CCNY: variants seen among roughly 807,000 people sequenced by gnomAD.
CCNY encodes cyclin Y, also known as cyclin-Y.
Under a neutral mutation model 42.8 loss-of-function variants are expected in CCNY, and 19 were observed. That is an observed-to-expected ratio of 0.44 (90% CI 0.31 to 0.65). The LOEUF (loss-of-function observed/expected upper bound fraction) is 0.65, where lower values mean the gene tolerates loss of function less well. Among genes scored for constraint, CCNY ranks in the 30% least tolerant of loss-of-function variants. The pLI, the probability that CCNY is intolerant of heterozygous loss-of-function variation, is 0.07. For missense variants in CCNY, 370 were observed against 437.3 expected (o/e 0.85, Z 1.37); for synonymous variants, 165 against 162.7 (o/e 1.01, Z -0.11).
chr10:35,381,055 T>C (rs1837172787), intron 1 of CCNY, among the ~76,000 whole-genome samples: 1 of 152,116 alleles, frequency 6.6e-6, no homozygotes, highest in South Asian at 2.1e-4. Flanking sequence ...AGGGGTGCAT[T>C]GTCTGTGGAG....
intron 3 of CCNY, among the ~76,000 whole-genome samples, chr10:35,322,748 T>A (rs1835835096): frequency 6.6e-6 from 1 of 152,198 alleles, no homozygotes; most frequent in African/African-American, 2.4e-5. Flanking sequence ...TCAACATCAT[T>A]AGCCATCAGG....
intron 3 of CCNY, among the ~76,000 whole-genome samples, chr10:35,311,773 C>A (rs757877300): frequency 1.4e-5 from 2 of 147,392 alleles, no homozygotes; most frequent in Non-Finnish European, 3.0e-5. Context: ...ATTGCTTAAG[C>A]ACAGGAGTTC....
intron 3 of CCNY, among the ~76,000 whole-genome samples, chr10:35,513,936 A>C (rs1006016085): frequency 6.6e-6 from 1 of 152,102 alleles, no homozygotes; most frequent in African/African-American, 2.4e-5. Flanking sequence ...GCTTATGAAA[A>C]CTATCGAATT....
At chr10:35,540,047 G>T (rs1445557964) in intron 7 of CCNY, among the ~76,000 whole-genome samples, 1 of 152,130 alleles carries the variant, frequency 6.6e-6, no homozygotes, top group Non-Finnish European at 1.5e-5. Context: ...TTTCATTATG[G>T]ATGCCTTTTA....
At chr10:35,342,383 G>C (rs554232980) in intron 1 of CCNY, among the ~76,000 whole-genome samples, 2 of 152,340 alleles carry the variant, frequency 1.3e-5, no homozygotes, top group South Asian at 4.1e-4. Context: ...TGCAAGGTAT[G>C]TGGAGACACC....
At chr10:35,348,467 C>T (rs1360387863) in intron 1 of CCNY, among the ~76,000 whole-genome samples, 1 of 152,226 alleles carries the variant, frequency 6.6e-6, no homozygotes, top group Non-Finnish European at 1.5e-5. Flanking sequence ...GTGTGCTCTG[C>T]AGGCACACTT....
intron 1 of CCNY, among the ~76,000 whole-genome samples, chr10:35,371,227 A>C (rs1836928901): frequency 6.6e-6 from 1 of 152,164 alleles, no homozygotes; most frequent in Non-Finnish European, 1.5e-5. Context: ...ATACCTGTGT[A>C]GTGGCTGACG....
At chr10:35,343,864 G>C (rs1178129141) in intron 1 of CCNY, among the ~76,000 whole-genome samples, 1 of 152,186 alleles carries the variant, frequency 6.6e-6, no homozygotes, top group African/African-American at 2.4e-5. Flanking sequence ...TGTCACATTG[G>C]ATTGACTTTG....
chr10:35,372,323 G>A (rs1055737419), intron 1 of CCNY, among the ~76,000 whole-genome samples: 7 of 152,218 alleles, frequency 4.6e-5, no homozygotes, highest in African/African-American at 1.2e-4. Context: ...TTAGCAGTGC[G>A]CATGGGCCAG....
chr10:35,402,218 G>A (rs1254503610), intron 1 of CCNY, among the ~76,000 whole-genome samples: 3 of 152,080 alleles, frequency 2.0e-5, no homozygotes, highest in African/African-American at 7.2e-5. Flanking sequence ...ATATTGTGGG[G>A]TTGTTAGAAG....
chr10:35,321,330 T>C (rs1835820043), intron 3 of CCNY, among the ~76,000 whole-genome samples: 1 of 152,120 alleles, frequency 6.6e-6, no homozygotes, highest in South Asian at 2.1e-4. Flanking sequence ...AATATGATGA[T>C]GACCATTTTT....
At chr10:35,292,361 T>A (rs1263836336) in intron 3 of CCNY, among the ~76,000 whole-genome samples, 1 of 152,172 alleles carries the variant, frequency 6.6e-6, no homozygotes, top group Non-Finnish European at 1.5e-5. Flanking sequence ...AATTTTTAAT[T>A]TTTTTATTTT....
chr10:35,536,647 ACT>A (rs1840892757), intron 7 of CCNY, among the ~76,000 whole-genome samples: 1 of 151,948 alleles, frequency 6.6e-6, no homozygotes. Context: ...AGCAAAGGTG[ACT>A]CTTGTTATGT....
At chr10:35,330,651 T>C (rs1835931853) in intron 3 of CCNY, among the ~76,000 whole-genome samples, 1 of 152,226 alleles carries the variant, frequency 6.6e-6, no homozygotes, top group Non-Finnish European at 1.5e-5. Flanking sequence ...GGACATTATC[T>C]TAGTTCATGG....
chr10:35,443,524 C>A (rs959117840), intron 1 of CCNY, among the ~76,000 whole-genome samples: 9 of 152,170 alleles, frequency 5.9e-5, no homozygotes, highest in South Asian at 2.1e-4. Flanking sequence ...TCACTGTCTT[C>A]CACCAGCACC....
chr10:35,258,417 A>AG (rs1048460635), intron 3 of CCNY, among the ~76,000 whole-genome samples: 7 of 152,102 alleles, frequency 4.6e-5, no homozygotes, highest in Non-Finnish European at 8.8e-5. Context: ...CTGACTCCCA[A>AG]GGGGGAAAGA....
chr10:35,275,628 TGG>T (rs1371953267), intron 3 of CCNY, among the ~76,000 whole-genome samples: 1 of 151,974 alleles, frequency 6.6e-6, no homozygotes. Flanking sequence ...CTGGGCATGG[TGG>T]TGGGCACCTA....
At chr10:35,385,951 A>G (rs1026034398) in intron 1 of CCNY, among the ~76,000 whole-genome samples, 1 of 152,150 alleles carries the variant, frequency 6.6e-6, no homozygotes, top group Non-Finnish European at 1.5e-5. Context: ...ATGTCACTAC[A>G]TATCTGTCCT....
At chr10:35,326,959 C>T (rs558426350) in intron 3 of CCNY, among the ~76,000 whole-genome samples, 11 of 152,244 alleles carry the variant, frequency 7.2e-5, no homozygotes, top group African/African-American at 1.2e-4. Flanking sequence ...CTTATAACCA[C>T]GTATGAAGTG....
Sources: allele counts gnomAD v4.1 joint callset (sites outside exome capture counted in the v4.1 genomes callset), GRCh38; gene constraint gnomAD v4.1.1; transcripts MANE v1.5; gene names NCBI Gene and HGNC (gene_info 2026-07-23, HGNC 2026-07-21).